CYTH2: variants seen among roughly 807,000 people sequenced by gnomAD.
CYTH2 encodes cytohesin-2.
CYTH2 carries 24 observed loss-of-function variants against 55.4 expected under a neutral mutation model. The ratio of observed to expected loss-of-function variants is 0.43; its 90% CI spans 0.31 to 0.61. The LOEUF (loss-of-function observed/expected upper bound fraction) is 0.61, where lower values mean the gene tolerates loss of function less well. Ranked by LOEUF, CYTH2 falls within the 20% of genes least tolerant of loss-of-function variation. The pLI is 0.08. For missense variants in CYTH2, 378 were observed against 533.5 expected (o/e 0.71, Z 2.87); for synonymous variants, 221 against 209.6 (o/e 1.05, Z -0.47).
chr19:48,469,843 G>C, intron 1 of CYTH2: 1 of 578,038 alleles, frequency 1.7e-6, no homozygotes, highest in South Asian at 1.8e-5. Flanking sequence ...GCCGGGGAGG[G>C]GCGCTTGGGT....
chr19:48,478,219 AGGTGG>A (rs1426301845), intron 9 of CYTH2, 51 bp from the exon 10 acceptor site: 1 of 1,611,700 alleles, frequency 6.2e-7, no homozygotes. Context: ...GGGCTGAGGG[AGGTGG>A]GGTGGGGTGA....
At chr19:48,471,032 A>G (rs1971782385) in intron 3 of CYTH2, among the ~76,000 whole-genome samples, 1 of 152,140 alleles carries the variant, frequency 6.6e-6, no homozygotes, top group African/African-American at 2.4e-5. Context: ...GGAAGGTATC[A>G]GGGTAGTGGA....
rs750746834 is a variant in CYTH2, at chr19:48,473,734, C to T, written c.435-171C>T. On this transcript the variant is annotated intron_variant, in intron 5 of 11. Coordinates refer to ENST00000452733, the MANE Select transcript of CYTH2 (RefSeq NM_004228.7). ...GCTATTTCTGTAGGGATTCACAACA[C>T]TCCCGTGGCCAATGCCCATTGGTGA... The T allele has an allele frequency of 8.7e-5, 54 of 618,450 alleles. 1 individual carries two copies. Among genetic ancestry groups the T allele is most frequent in the Non-Finnish European group, 1.5e-4 (52 of 352,034 alleles). The allele number at this position is 618,450 out of a possible 1,614,324, so 38.3% of individuals were successfully genotyped here.
At chr19:48,472,616 G>A (rs1601021740) in intron 4 of CYTH2, 173 bp downstream of exon 4, 2 of 678,336 alleles carry the variant, frequency 2.9e-6, no homozygotes, top group Non-Finnish European at 5.3e-6. Flanking sequence ...CATGGGCTAG[G>A]GGAGCCTGCG....
intron 1 of CYTH2, chr19:48,470,122 C>T (rs1001302236): frequency 6.9e-6 from 5 of 728,820 alleles, no homozygotes; most frequent in Admixed American, 6.4e-5. Context: ...CCCCTTCTCC[C>T]TCAGACTCAG....
intron 8 of CYTH2, 167 bp from the exon 9 acceptor site, chr19:48,477,902 C>T: frequency 1.7e-6 from 1 of 586,076 alleles, no homozygotes; most frequent in Non-Finnish European, 3.1e-6. Flanking sequence ...TCCTGGAGCC[C>T]CAACATGCCT....
chr19:48,473,840 G>A (rs1971852474), intron 5 of CYTH2, 65 bp from the exon 6 acceptor site: 2 of 1,303,968 alleles, frequency 1.5e-6, no homozygotes, highest in Admixed American at 2.3e-5. Context: ...CCTAACACAG[G>A]GACTGAGAGT....
intron 8 of CYTH2, chr19:48,475,303 G>A (rs1386786922): frequency 4.0e-5 from 9 of 227,190 alleles, no homozygotes; most frequent in Non-Finnish European, 8.6e-6. Context: ...AACCCAGCCC[G>A]AGGGAGCCAA....
chr19:48,477,752 C>G (rs1971946324), intron 8 of CYTH2: 2 of 399,028 alleles, frequency 5.0e-6, no homozygotes, highest in East Asian at 8.0e-5. Flanking sequence ...TCTCCCATCA[C>G]TAGACGAGGG....
At position 48,469,450 on chromosome 19, in the gene CYTH2, G is replaced by A. The variant is rs546363096; in HGVS notation, c.-58G>A. The A allele has an allele frequency of 4.5e-4, 595 of 1,319,350 alleles. No individual in the cohort carries two copies. Among genetic ancestry groups the A allele is most frequent in the Non-Finnish European group, 5.6e-4 (572 of 1,025,652 alleles). 81.7% of individuals were successfully genotyped at this position (1,319,350 alleles called of 1,614,324 possible). ...CTCACCCGAGCCCGCGGGCCAACGC[G>A]GATCCAGGCCCGACTGGCGGGACCG... On this transcript the variant is annotated 5_prime_UTR_variant, in exon 1 of 12. Transcript: ENST00000452733.
rs775658615 is a variant in CYTH2, at chr19:48,474,790, G to A, written c.697-48G>A. 1.3e-6 allele frequency: 2 copies of A among 1,582,756 alleles called. No individual in the cohort carries two copies. The highest frequency in any genetic ancestry group is 1.7e-5 in the Admixed American group (1 of 59,588). ...GCTGCCCCCCACCCTGAGTAACCCTGGGGGGCCCCAGGGGGCTCGAATGGC... is the reference window on the plus strand; with the variant it reads ...GCTGCCCCCCACCCTGAGTAACCCTAGGGGGCCCCAGGGGGCTCGAATGGC... On this transcript the variant is annotated intron_variant, in intron 7 of 11. Coordinates refer to ENST00000452733, the MANE Select transcript of CYTH2 (RefSeq NM_004228.7). This position sits in a 1 kb window ranked among gnomAD's most constrained non-coding sequence, Gnocchi z 4.9.
chr19:48,471,461 A>G (rs1569087986), intron 3 of CYTH2, among the ~76,000 whole-genome samples: 1 of 152,088 alleles, frequency 6.6e-6, no homozygotes, highest in Non-Finnish European at 1.5e-5. Context: ...CTGTTCACAT[A>G]CTCATTTAAC....
chr19:48,475,645 A>C (rs1179011184), intron 8 of CYTH2: 2 of 165,482 alleles, frequency 1.2e-5, no homozygotes, highest in African/African-American at 4.8e-5. Flanking sequence ...AGGGGTTAGC[A>C]CAAGGACTAG....
In CYTH2 at chr19:48,473,927, C is replaced by T. The variant is rs764450200; in HGVS notation, c.457C>T (p.Leu153=). ...CAGGCAGTTTCTATGGAGCTTTCGC[C>T]TACCCGGAGAGGCCCAGAAAATTGA... ...ALRQFLWSFR[L]PGEAQKIDRM... The change falls in exon 6 of 12, where the codon CTA becomes TTA. Residue 153 remains leucine (L), a synonymous_variant. Coordinates refer to ENST00000452733, the MANE Select transcript of CYTH2 (RefSeq NM_004228.7). The T allele has an allele frequency of 6.2e-7, 1 of 1,612,686 alleles. No homozygotes were observed. The highest frequency in any genetic ancestry group is 8.5e-7 in the Non-Finnish European group (1 of 1,179,224).
rs1204076573 is a variant in CYTH2 at position 48,470,796 on chromosome 19, TGG to T, written c.234+128_234+129del. 4 of 955,022 alleles carry T rather than the reference TGG, an allele frequency of 4.2e-6. No homozygotes were observed. The South Asian group carries it at 6.1e-5, about 15-fold the overall frequency. 59.2% of individuals were successfully genotyped at this position (955,022 alleles called of 1,614,324 possible). Reference sequence around the variant, plus strand: ...GGTGGACAGACTTGGTCCTAATCCCTGGATTCAGATACTGGCTGTCCATTTGT... The same window carrying T: ...GGTGGACAGACTTGGTCCTAATCCCTATTCAGATACTGGCTGTCCATTTGT... On this transcript the variant is annotated intron_variant, in intron 3 of 11. Coordinates refer to ENST00000452733, the MANE Select transcript of CYTH2 (RefSeq NM_004228.7).
chr19:48,472,536 C>A, intron 4 of CYTH2, 93 bp downstream of exon 4: 3 of 1,018,218 alleles, frequency 2.9e-6, no homozygotes, highest in Non-Finnish European at 4.5e-6. Flanking sequence ...GGTGGAACAG[C>A]CCTGCAGCCT....
intron 8 of CYTH2, chr19:48,476,887 C>CAA (rs1971926240): frequency 6.6e-6 from 1 of 152,182 alleles, no homozygotes; most frequent in Non-Finnish European, 1.5e-5. Context: ...AAAAACAAAA[C>CAA]AAAACAAAAA....
chr19:48,470,731 C>T, intron 3 of CYTH2, 62 bp downstream of exon 3: 5 of 1,595,318 alleles, frequency 3.1e-6, no homozygotes, highest in Non-Finnish European at 4.3e-6. Flanking sequence ...CTTCTGGCAC[C>T]TCCGGGTTCC....
At position 48,479,217 on chromosome 19, in the gene CYTH2, G is replaced by GC. The variant is rs1569093669; in HGVS notation, c.*12dup. 1.2e-6 allele frequency: 2 copies of GC among 1,613,938 alleles called. No individual in the cohort carries two copies. Among genetic ancestry groups the GC allele is most frequent in the Non-Finnish European group, 1.7e-6 (2 of 1,179,906 alleles). ...GAAGCAGGAGCAGCCCTGACCCCCTGCCCCCAACTCCATTATTTATTACGG... is the reference window on the plus strand; with the variant it reads ...GAAGCAGGAGCAGCCCTGACCCCCTGCCCCCCAACTCCATTATTTATTACGG... On this transcript the variant is annotated 3_prime_UTR_variant, in exon 12 of 12. Coordinates refer to ENST00000452733, the MANE Select transcript of CYTH2 (RefSeq NM_004228.7).
Sources: allele counts gnomAD v4.1 joint callset (sites outside exome capture counted in the v4.1 genomes callset), GRCh38; gene constraint gnomAD v4.1.1; non-coding constraint Gnocchi (gnomAD v3.1); transcripts MANE v1.5; gene names NCBI Gene and HGNC (gene_info 2026-07-23, HGNC 2026-07-21).